The following STYX variants were observed in gnomAD, a reference collection of about 807,000 sequenced individuals.
STYX encodes the protein serine/threonine/tyrosine-interacting protein.
Under a neutral mutation model 42.7 loss-of-function variants are expected in STYX, and 20 were observed. The observed-to-expected ratio is 0.47, with a 90% CI of 0.33 to 0.68. The LOEUF is 0.68. Among genes scored for constraint, STYX ranks in the 30% least tolerant of loss-of-function variants. STYX has a pLI of 0.02. For synonymous variants in STYX, 78 were observed against 81.9 expected (o/e 0.95, Z 0.26); for missense variants, 226 against 268.5 (o/e 0.84, Z 1.11).
chr14:52,738,252 G>A (rs1318453376), intron 1 of STYX, among the ~76,000 whole-genome samples: 4 of 152,164 alleles, frequency 2.6e-5, no homozygotes, highest in Admixed American at 1.3e-4. Flanking sequence ...AATTACTAAT[G>A]TTCTCTGAAG....
At chr14:52,754,090 A>C (rs910038338) in intron 4 of STYX, among the ~76,000 whole-genome samples, 1 of 151,664 alleles carries the variant, frequency 6.6e-6, no homozygotes, top group Admixed American at 6.6e-5. Context: ...GGGTTTCACC[A>C]TGTTGGTCAG....
rs1882544539 is a variant in STYX, at chr14:52,772,357, A to AT, written c.*1253dup. 2 of 152,388 alleles carry AT rather than the reference A, an allele frequency of 1.3e-5. No individual in the cohort carries two copies. Among genetic ancestry groups the AT allele is most frequent in the Non-Finnish European group, 2.9e-5 (2 of 68,008 alleles). 9.4% of individuals were successfully genotyped at this position (152,388 alleles called of 1,614,324 possible). A position where few individuals can be genotyped will look rare whatever the true frequency, so the allele number is the denominator to read the frequency against. ...ATTAGCATTTTAATCCATTCTTGACATTCAGTTAGTCCAGATCTGCCCCAT... is the reference window on the plus strand; with the variant it reads ...ATTAGCATTTTAATCCATTCTTGACATTTCAGTTAGTCCAGATCTGCCCCAT... On this transcript the variant is annotated 3_prime_UTR_variant, in exon 11 of 11. Transcript: ENST00000354586.
Position 52,730,447 on chromosome 14 carries a change from C to A in STYX, c.-28C>A. On this transcript the variant is annotated 5_prime_UTR_variant, in exon 1 of 11. Transcript: ENST00000354586. ...GGCCGGCTGTGTAACACTCTCCCAC[C>A]CCACCCACCAGCCCGCGGGCCAGCA... 1 of 1,612,192 alleles carries A rather than the reference C, an allele frequency of 6.2e-7. No homozygotes were observed. The highest frequency in any genetic ancestry group is 8.5e-7 in the Non-Finnish European group (1 of 1,179,302).
chr14:52,735,788 G>C (rs1057083216), intron 1 of STYX, among the ~76,000 whole-genome samples: 1 of 152,138 alleles, frequency 6.6e-6, no homozygotes, highest in African/African-American at 2.4e-5. Flanking sequence ...GCTATGATAG[G>C]TTGATGATTC....
At chr14:52,748,107 C>T (rs1163999676) in intron 3 of STYX, among the ~76,000 whole-genome samples, 1 of 152,134 alleles carries the variant, frequency 6.6e-6, no homozygotes, top group Non-Finnish European at 1.5e-5. Flanking sequence ...TATTTCCCAC[C>T]CTAGGTAACC....
intron 1 of STYX, among the ~76,000 whole-genome samples, chr14:52,739,717 C>G (rs1313203405): frequency 7.3e-6 from 1 of 136,992 alleles, no homozygotes; most frequent in Non-Finnish European, 1.5e-5. Context: ...TGATGACTCA[C>G]TGCAGCCTCG....
chr14:52,759,848 AAATTGCCAT>A, intron 9 of STYX, 94 bp downstream of exon 9: 2 of 763,452 alleles, frequency 2.6e-6, no homozygotes, highest in Middle Eastern at 3.1e-4. Context: ...TGAATACTTA[AAATTGCCAT>A]AATCTGACTA....
chr14:52,758,355 TA>T (rs1464936017), intron 8 of STYX, among the ~76,000 whole-genome samples: 2 of 152,182 alleles, frequency 1.3e-5, no homozygotes, highest in Non-Finnish European at 2.9e-5. Context: ...ATAGATTTTT[TA>T]AAAGATAGGG....
intron 9 of STYX, among the ~76,000 whole-genome samples, chr14:52,763,996 T>G (rs1882200572): frequency 6.6e-6 from 1 of 152,118 alleles, no homozygotes; most frequent in Non-Finnish European, 1.5e-5. Flanking sequence ...TTCAGGGTTT[T>G]TTGTTGTTGT....
At chr14:52,751,505 T>C (rs903412722) in intron 4 of STYX, among the ~76,000 whole-genome samples, 1 of 151,838 alleles carries the variant, frequency 6.6e-6, no homozygotes, top group Non-Finnish European at 1.5e-5. Context: ...CAGATTGTTT[T>C]CCAGTGCGTT....
chr14:52,770,492 A>G (rs1424307534), intron 10 of STYX, among the ~76,000 whole-genome samples: 1 of 152,090 alleles, frequency 6.6e-6, no homozygotes, highest in East Asian at 1.9e-4. Flanking sequence ...TTTCTGTACT[A>G]GCAGATGCTG....
intron 3 of STYX, among the ~76,000 whole-genome samples, chr14:52,747,353 T>C (rs554484001): frequency 6.6e-6 from 1 of 152,356 alleles, no homozygotes; most frequent in South Asian, 2.1e-4. Context: ...TTGTGTTTGA[T>C]ATATCCATAA....
At chr14:52,751,652 T>C (rs188555734) in intron 4 of STYX, among the ~76,000 whole-genome samples, 1 of 152,338 alleles carries the variant, frequency 6.6e-6, no homozygotes, top group Non-Finnish European at 1.5e-5. Flanking sequence ...GATGTTCTTA[T>C]TTATCTTGTA....
At chr14:52,763,067 A>G (rs62003475) in intron 9 of STYX, among the ~76,000 whole-genome samples, 2,065 of 150,494 alleles carry the variant, frequency 0.014, 20 homozygotes, top group Non-Finnish European at 0.022. Flanking sequence ...CTAATTTTGT[A>G]TTTTCAGTAG....
chr14:52,733,650 G>T (rs1172492468), intron 1 of STYX, among the ~76,000 whole-genome samples: 1 of 152,108 alleles, frequency 6.6e-6, no homozygotes, highest in African/African-American at 2.4e-5. Context: ...TATTATAAAG[G>T]ATACTACAAA....
At chr14:52,770,929 T>G (rs2139942789) in intron 10 of STYX, 104 bp from the exon 11 acceptor site, 100 of 805,918 alleles carry the variant, frequency 1.2e-4, no homozygotes, top group Middle Eastern at 2.6e-4. Context: ...TGTGGAATTT[T>G]CATAGTGTAT....
intron 1 of STYX, among the ~76,000 whole-genome samples, chr14:52,743,471 C>T (rs1881275728): frequency 6.6e-6 from 1 of 151,994 alleles, no homozygotes; most frequent in South Asian, 2.1e-4. Context: ...GTCCCAGCTA[C>T]TCGGGAGGCT....
intron 1 of STYX, among the ~76,000 whole-genome samples, chr14:52,736,939 G>A (rs1299314651): frequency 6.6e-6 from 1 of 152,154 alleles, no homozygotes; most frequent in African/African-American, 2.4e-5. Flanking sequence ...GGAATGAAAG[G>A]AAAAGGACTT....
chr14:52,757,343 T>G lies in STYX; in HGVS notation c.328T>G (p.Leu110Val). The G allele has an allele frequency of 1.2e-6, 2 of 1,606,814 alleles. No individual in the cohort carries two copies. The highest frequency in any genetic ancestry group is 1.7e-6 in the Non-Finnish European group (2 of 1,175,294). Reference sequence around the variant, plus strand: ...GACTAAGGAATTTATTGATGGGAGCTTACAAATGGGAGGTAAATAACATTT... The same window carrying G: ...GACTAAGGAATTTATTGATGGGAGCGTACAAATGGGAGGTAAATAACATTT... ...PMTKEFIDGS[L>V]QMGGKVLVHG... The change falls in exon 6 of 11, where the codon TTA (leucine) becomes GTA (valine). Residue 110 changes from leucine (L) to valine (V), a missense_variant. Leu to Val is a conservative substitution (Grantham distance 32). Transcript: ENST00000354586.
Sources: gnomAD v4.1 joint callset for allele counts (sites outside exome capture counted in the v4.1 genomes callset) on GRCh38, gnomAD v4.1.1 for gene constraint, MANE v1.5 for transcripts, NCBI Gene and HGNC (gene_info 2026-07-23, HGNC 2026-07-21) for gene names.